PHACTR3: variants seen among roughly 807,000 people sequenced by gnomAD.
The protein encoded by PHACTR3 is protein phosphatase 1, regulatory subunit 123.
In PHACTR3, 16 loss-of-function variants were observed where a neutral mutation model predicts 66.8. That is an observed-to-expected ratio of 0.24 (90% CI 0.16 to 0.36). The LOEUF is 0.36. PHACTR3 is among the 10% of genes least tolerant of loss of function. The probability of loss-of-function intolerance (pLI) is 1.00; values close to 1 mark genes in which losing one functional copy is unlikely to be tolerated. For missense variants in PHACTR3, 647 were observed against 719.9 expected, an observed-to-expected ratio of 0.90 and a Z score of 1.16; for synonymous variants, 323 against 292.1, an observed-to-expected ratio of 1.11 and a Z score of -1.08.
intron 8 of PHACTR3, among the ~76,000 whole-genome samples, chr20:59,807,584 A>G (rs1311120070): frequency 1.3e-5 from 2 of 152,300 alleles, no homozygotes; most frequent in African/African-American, 4.8e-5. Flanking sequence ...GTCCTTTCAT[A>G]TCATGATCAC....
At chr20:59,742,769 G>A (rs6027074) in intron 1 of PHACTR3, among the ~76,000 whole-genome samples, 23,638 of 152,216 alleles carry the variant, frequency 0.16, 3,645 homozygotes, top group African/African-American at 0.4. Context: ...GGAGAGCAGC[G>A]TGGGTGGAGG....
chr20:59,688,153 T>A (rs2036968384), intron 1 of PHACTR3, among the ~76,000 whole-genome samples: 1 of 152,236 alleles, frequency 6.6e-6, no homozygotes, highest in African/African-American at 2.4e-5. Flanking sequence ...AGAGCCAAGA[T>A]GTAAAGTTTC....
At position 59,847,378 on chromosome 20, in the gene PHACTR3, A is replaced by G. The variant is rs147096988; in HGVS notation, c.*248A>G. 2.7e-6 allele frequency: 1 copy of G among 368,822 alleles called. No homozygotes were observed. Among genetic ancestry groups the G allele is most frequent in the Non-Finnish European group, 5.0e-6 (1 of 198,866 alleles). 22.8% of individuals were successfully genotyped at this position (368,822 alleles called of 1,614,324 possible). ...TTGGGGTCAGTTAAGACCCAACATAACTCTATCAGAAGAAAACTGTTGTTT... is the reference window on the plus strand; with the variant it reads ...TTGGGGTCAGTTAAGACCCAACATAGCTCTATCAGAAGAAAACTGTTGTTT... On this transcript the variant is annotated 3_prime_UTR_variant, in exon 13 of 13. Transcript: ENST00000371015.
At chr20:59,641,371 A>G (rs2035098020) in intron 1 of PHACTR3, among the ~76,000 whole-genome samples, 3 of 152,288 alleles carry the variant, frequency 2.0e-5, no homozygotes, top group Admixed American at 6.5e-5. Context: ...CAAGCTGAAG[A>G]CCTGAGAGAG....
chr20:59,701,982 T>C (rs1684564419), intron 1 of PHACTR3, among the ~76,000 whole-genome samples: 1 of 152,236 alleles, frequency 6.6e-6, no homozygotes, highest in Non-Finnish European at 1.5e-5. Context: ...TCAGACTGTA[T>C]TCTTTGACTA....
intron 8 of PHACTR3, among the ~76,000 whole-genome samples, chr20:59,806,916 A>G (rs535448269): frequency 4.9e-4 from 75 of 152,350 alleles, no homozygotes; most frequent in Admixed American, 1.6e-3. Context: ...ATTTCTCAAC[A>G]TAGAAAAGGT....
At position 59,820,543 on chromosome 20, in the gene PHACTR3, C is replaced by G. The variant is rs537154971; in HGVS notation, c.1328+14349C>G. Among the ~76,000 whole-genome samples the G allele has an allele frequency of 6.6e-6, 1 of 152,244 alleles. No individual in the cohort carries two copies. The highest frequency in any genetic ancestry group is 2.1e-4 in the South Asian group (1 of 4,820). On this transcript the variant is annotated intron_variant, in intron 8 of 12. Coordinates refer to ENST00000371015, the MANE Select transcript of PHACTR3 (RefSeq NM_080672.5). This position sits in a 1 kb window ranked among gnomAD's most constrained non-coding sequence, Gnocchi z 4.6. ...CGCTTCATCGTCTTGGGTGGAAGTCCCCGTGTACAGGGAGGGAAAGCCCAT... is the reference window on the plus strand; with the variant it reads ...CGCTTCATCGTCTTGGGTGGAAGTCGCCGTGTACAGGGAGGGAAAGCCCAT...
intron 1 of PHACTR3, among the ~76,000 whole-genome samples, chr20:59,734,802 A>G (rs1186709549): frequency 3.9e-5 from 6 of 152,104 alleles, no homozygotes; most frequent in African/African-American, 1.2e-4. Context: ...CCATGCATTT[A>G]TGAATTTGCA....
chr20:59,831,943 G>A (rs919213591), intron 8 of PHACTR3, among the ~76,000 whole-genome samples: 4 of 152,116 alleles, frequency 2.6e-5, no homozygotes, highest in Non-Finnish European at 4.4e-5. Context: ...AAATTTCCTG[G>A]GCCACCCTGG....
intron 2 of PHACTR3, among the ~76,000 whole-genome samples, chr20:59,743,987 G>C (rs1233974162): frequency 6.6e-6 from 1 of 152,200 alleles, no homozygotes; most frequent in Admixed American, 6.5e-5. Flanking sequence ...TGGTCCCGTT[G>C]CCCCCGCCTC....
chr20:59,652,299 G>A (rs978977028), intron 1 of PHACTR3, among the ~76,000 whole-genome samples: 1 of 152,104 alleles, frequency 6.6e-6, no homozygotes, highest in Non-Finnish European at 1.5e-5. Flanking sequence ...GCACTTTGGG[G>A]TGGGGGCACC....
chr20:59,825,362 A>G (rs555291954), intron 8 of PHACTR3, among the ~76,000 whole-genome samples: 18 of 152,298 alleles, frequency 1.2e-4, no homozygotes, highest in African/African-American at 4.3e-4. Context: ...TGTCCCATTC[A>G]TGTATCCACT....
At chr20:59,728,790 C>T (rs903350236) in intron 1 of PHACTR3, among the ~76,000 whole-genome samples, 3 of 151,386 alleles carry the variant, frequency 2.0e-5, no homozygotes, top group African/African-American at 7.3e-5. Context: ...TAGACAAGGT[C>T]ACTCCAGTGG....
intron 1 of PHACTR3, among the ~76,000 whole-genome samples, chr20:59,599,496 TTG>T (rs1273359493): frequency 6.6e-6 from 1 of 151,926 alleles, no homozygotes; most frequent in Non-Finnish European, 1.5e-5. Flanking sequence ...TACAACCCCA[TTG>T]TGATGGGCAG....
At chr20:59,675,919 C>T (rs1030218576) in intron 1 of PHACTR3, among the ~76,000 whole-genome samples, 1 of 152,224 alleles carries the variant, frequency 6.6e-6, no homozygotes, top group Non-Finnish European at 1.5e-5. Context: ...GGTCCTCGAC[C>T]TCCCCATCTG....
intron 8 of PHACTR3, among the ~76,000 whole-genome samples, chr20:59,823,910 T>C (rs947373210): frequency 6.6e-6 from 1 of 152,224 alleles, no homozygotes; most frequent in Non-Finnish European, 1.5e-5. Flanking sequence ...CTGGTACAAA[T>C]AGGTTTGGGA....
chr20:59,825,617 G>A (rs531475397), intron 8 of PHACTR3, among the ~76,000 whole-genome samples: 1 of 152,306 alleles, frequency 6.6e-6, no homozygotes, highest in Non-Finnish European at 1.5e-5. Flanking sequence ...AAATGCACTG[G>A]GGAGCAACCT....
intron 3 of PHACTR3, among the ~76,000 whole-genome samples, chr20:59,753,149 A>T (rs1299795739): frequency 6.7e-6 from 1 of 149,910 alleles, no homozygotes; most frequent in Non-Finnish European, 1.5e-5. Context: ...CTTTCATAAA[A>T]ATTAAAAAAA....
chr20:59,640,448 C>T (rs1240423829), intron 1 of PHACTR3, among the ~76,000 whole-genome samples: 1 of 152,166 alleles, frequency 6.6e-6, no homozygotes, highest in Non-Finnish European at 1.5e-5. Flanking sequence ...GGTCTTCAAC[C>T]AGTCTTGGTG....
Sources: gnomAD v4.1 joint callset for allele counts (sites outside exome capture counted in the v4.1 genomes callset) on GRCh38, gnomAD v4.1.1 for gene constraint, Gnocchi (gnomAD v3.1) non-coding constraint, MANE v1.5 for transcripts, NCBI Gene and HGNC (gene_info 2026-07-23, HGNC 2026-07-21) for gene names.